CA10: variants seen among roughly 807,000 people sequenced by gnomAD.
CA10 encodes the protein carbonic anhydrase 10 (inactive).
CA10 carries 14 observed loss-of-function variants against 44.2 expected under a neutral mutation model. The observed-to-expected ratio is 0.32, with a 90% CI of 0.21 to 0.50. CA10 has a LOEUF of 0.50. Ranked by LOEUF, CA10 falls within the 20% of genes least tolerant of loss-of-function variation. The pLI is 0.99. For missense variants in CA10, 350 were observed against 409.7 expected (o/e 0.85, Z 1.26); for synonymous variants, 159 against 141.6 (o/e 1.12, Z -0.87).
intron 2 of CA10, among the ~76,000 whole-genome samples, chr17:51,940,716 A>C (rs2144015344): frequency 6.6e-6 from 1 of 151,068 alleles, no homozygotes; most frequent in South Asian, 2.1e-4. Flanking sequence ...TGGTGAGGTC[A>C]AAATTCAAAA....
chr17:51,902,060 TTC>T (rs1046438967), intron 3 of CA10, among the ~76,000 whole-genome samples: 9 of 152,172 alleles, frequency 5.9e-5, no homozygotes, highest in Non-Finnish European at 1.3e-4. Context: ...CTTTCATCTT[TTC>T]TGTCTTATTT....
chr17:51,781,796 T>C (rs1049729786), intron 3 of CA10, among the ~76,000 whole-genome samples: 4 of 152,262 alleles, frequency 2.6e-5, no homozygotes, highest in African/African-American at 9.6e-5. Context: ...TAACAGTTTT[T>C]GAATTCTTAC....
Position 52,016,006 on chromosome 17 carries a change from T to A in CA10, c.136+56313A>T, listed in dbSNP as rs962432353. On this transcript the variant is annotated intron_variant, in intron 2 of 8. Transcript: ENST00000451037. ...CATCAGAGTTCCAGGTGAGTAGAGG[T>A]AGACATTGGAGTCTACTTCTGCTCA... 2.4e-4 allele frequency among the ~76,000 whole-genome samples: 36 copies of A among 152,026 alleles called. 1 individual carries two copies. Among genetic ancestry groups the A allele is most frequent in the Admixed American group, 1.2e-3 (19 of 15,256 alleles).
At chr17:51,859,606 G>A (rs1056142208) in intron 3 of CA10, among the ~76,000 whole-genome samples, 4 of 152,154 alleles carry the variant, frequency 2.6e-5, no homozygotes, top group Admixed American at 6.6e-5. Flanking sequence ...GGAGAGCTGA[G>A]TTCAAGTCCT....
chr17:52,085,690 TTAAA>T lies in CA10; in HGVS notation c.62-13301_62-13298del, dbSNP rs1182725514. Among the ~76,000 whole-genome samples, 6 of 152,330 alleles carry T rather than the reference TTAAA, an allele frequency of 3.9e-5. 1 individual carries two copies. On this transcript the variant is annotated intron_variant, in intron 1 of 8. Transcript: ENST00000451037. ...TTTACTTATAACATATATATTTTTC[TTAAA>T]TAACCTCTTCATGAGATTGTCCTCC...
At chr17:51,805,940 T>C (rs772212306) in intron 3 of CA10, among the ~76,000 whole-genome samples, 3 of 152,048 alleles carry the variant, frequency 2.0e-5, no homozygotes, top group Non-Finnish European at 4.4e-5. Flanking sequence ...AAACCAGCTG[T>C]GCAAACAGTG....
intron 3 of CA10, among the ~76,000 whole-genome samples, chr17:51,929,361 T>G (rs2143990217): frequency 6.6e-6 from 1 of 152,300 alleles, no homozygotes; most frequent in East Asian, 1.9e-4. Context: ...CCCCTTCAAA[T>G]GCTTGCCATA....
intron 4 of CA10, among the ~76,000 whole-genome samples, chr17:51,740,387 G>C (rs1483753336): frequency 6.6e-6 from 1 of 152,076 alleles, no homozygotes; most frequent in Non-Finnish European, 1.5e-5. Context: ...GTAATCATTC[G>C]TATTGGGTTT....
At chr17:52,099,883 G>T (rs1988496292) in intron 1 of CA10, among the ~76,000 whole-genome samples, 1 of 152,196 alleles carries the variant, frequency 6.6e-6, no homozygotes, top group Admixed American at 6.5e-5. Context: ...CTACTGTAAG[G>T]TCATGGTAGA....
chr17:51,778,431 CTA>C (rs1395855856), intron 3 of CA10, among the ~76,000 whole-genome samples: 2 of 152,120 alleles, frequency 1.3e-5, no homozygotes, highest in African/African-American at 4.8e-5. Flanking sequence ...GCATAGATCG[CTA>C]TATGAGTACT....
intron 4 of CA10, among the ~76,000 whole-genome samples, chr17:51,725,636 C>T (rs1488070067): frequency 6.6e-6 from 1 of 152,198 alleles, no homozygotes; most frequent in Non-Finnish European, 1.5e-5. Context: ...TCTCCTTCTC[C>T]AGCATCCTGG....
At chr17:51,896,522 T>A (rs60515265) in intron 3 of CA10, among the ~76,000 whole-genome samples, 1 of 152,152 alleles carries the variant, frequency 6.6e-6, no homozygotes, top group Admixed American at 6.6e-5. Flanking sequence ...TCTTTGCTAT[T>A]GTGAACAGTG....
intron 4 of CA10, among the ~76,000 whole-genome samples, chr17:51,684,566 C>T (rs977636822): frequency 3.9e-5 from 6 of 152,186 alleles, no homozygotes; most frequent in Non-Finnish European, 8.8e-5. Context: ...AAAGGCATAG[C>T]TTACATCGCT....
intron 2 of CA10, among the ~76,000 whole-genome samples, chr17:51,995,178 AC>A (rs1253762330): frequency 6.6e-5 from 10 of 152,046 alleles, no homozygotes; most frequent in African/African-American, 2.4e-4. Flanking sequence ...GAGGAGTAAA[AC>A]CATGTAATAT....
intron 4 of CA10, among the ~76,000 whole-genome samples, chr17:51,742,610 G>A (rs1236382360): frequency 6.6e-6 from 1 of 152,210 alleles, no homozygotes; most frequent in Non-Finnish European, 1.5e-5. Flanking sequence ...TTGGTTCTGA[G>A]ATAATTGTTT....
chr17:52,015,106 G>A (rs74894148), intron 2 of CA10, among the ~76,000 whole-genome samples: 4,848 of 152,114 alleles, frequency 0.032, 266 homozygotes, highest in African/African-American at 0.11. Context: ...ATGTACTAAC[G>A]TCAGTGTAGT....
intron 3 of CA10, among the ~76,000 whole-genome samples, chr17:51,749,263 C>T (rs549363203): frequency 3.0e-4 from 45 of 152,338 alleles, no homozygotes; most frequent in Non-Finnish European, 5.6e-4. Context: ...TATTTCTCTA[C>T]GTCGAGTCTG....
At chr17:52,113,700 T>C (rs965940136) in intron 1 of CA10, among the ~76,000 whole-genome samples, 2 of 152,078 alleles carry the variant, frequency 1.3e-5, no homozygotes, top group African/African-American at 4.8e-5. Flanking sequence ...CACAAGAAAA[T>C]GGCCATCCTA....
At chr17:51,911,841 A>G (rs1017972169) in intron 3 of CA10, among the ~76,000 whole-genome samples, 5 of 152,126 alleles carry the variant, frequency 3.3e-5, no homozygotes, top group African/African-American at 1.2e-4. Flanking sequence ...CCAAAAAAAT[A>G]TAATAAGCAT....
Sources: allele counts gnomAD v4.1 joint callset (sites outside exome capture counted in the v4.1 genomes callset), GRCh38; gene constraint gnomAD v4.1.1; transcripts MANE v1.5; gene names NCBI Gene and HGNC (gene_info 2026-07-23, HGNC 2026-07-21).